The following KCNH7 variants were observed in gnomAD, a reference collection of about 807,000 sequenced individuals.
KCNH7 encodes the protein potassium voltage-gated channel subfamily H member 7.
KCNH7 carries 49 observed loss-of-function variants against 120.8 expected under a neutral mutation model. The observed-to-expected ratio is 0.41, with a 90% CI of 0.32 to 0.51. The LOEUF (loss-of-function observed/expected upper bound fraction) is 0.51, where lower values mean the gene tolerates loss of function less well. Among genes scored for constraint, KCNH7 ranks in the 20% least tolerant of loss-of-function variants. The pLI, the probability that KCNH7 is intolerant of heterozygous loss-of-function variation, is 0.38. For missense variants in KCNH7, 1,097 were observed against 1,446.6 expected (o/e 0.76, Z 3.92); for synonymous variants, 547 against 516.1 (o/e 1.06, Z -0.81).
At chr2:162,380,874 CAT>C (rs1290400812) in intron 13 of KCNH7, among the ~76,000 whole-genome samples, 2 of 152,076 alleles carry the variant, frequency 1.3e-5, no homozygotes, top group African/African-American at 4.8e-5. Context: ...GATCCCTTTT[CAT>C]ATACAGATTC....
chr2:162,569,833 A>G (rs535621794), intron 2 of KCNH7, among the ~76,000 whole-genome samples: 2 of 130,792 alleles, frequency 1.5e-5, no homozygotes, highest in South Asian at 2.7e-4. Flanking sequence ...CATGTAGTTG[A>G]GTGGTTTTGA....
In KCNH7 at chr2:162,787,196, G is replaced by GGATCCATGT. The variant is rs140335854; in HGVS notation, c.307+49332_307+49340dup. On this transcript the variant is annotated intron_variant, in intron 2 of 15. Coordinates refer to ENST00000332142, the MANE Select transcript of KCNH7 (RefSeq NM_033272.4). ...CTCCAGGCTGGCACATGTGGATTTA[G>GGATCCATGT]GATCCATGTGTAGGATATCCTCCAT... Among the ~76,000 whole-genome samples the GGATCCATGT allele has an allele frequency of 2.6e-4, 39 of 152,242 alleles. 1 individual carries two copies. The East Asian group carries it at 7.4e-3, about 29-fold the overall frequency.
At chr2:162,484,424 C>A (rs1690027094) in intron 6 of KCNH7, among the ~76,000 whole-genome samples, 1 of 152,174 alleles carries the variant, frequency 6.6e-6, no homozygotes, top group African/African-American at 2.4e-5. Context: ...ACTATTCAAA[C>A]AATTGCTTTA....
intron 2 of KCNH7, among the ~76,000 whole-genome samples, chr2:162,656,440 C>G (rs1684765920): frequency 6.6e-6 from 1 of 152,082 alleles, no homozygotes; most frequent in Non-Finnish European, 1.5e-5. Flanking sequence ...CTTGACTTCC[C>G]CTAACTTTCT....
chr2:162,660,729 T>C (rs1684928119), intron 2 of KCNH7, among the ~76,000 whole-genome samples: 1 of 152,194 alleles, frequency 6.6e-6, no homozygotes, highest in Non-Finnish European at 1.5e-5. Flanking sequence ...TTCAGTTATT[T>C]TTTATACACT....
intron 2 of KCNH7, among the ~76,000 whole-genome samples, chr2:162,754,850 G>A (rs751338550): frequency 6.6e-6 from 1 of 152,178 alleles, no homozygotes; most frequent in African/African-American, 2.4e-5. Context: ...TGAGAAAGCA[G>A]CTCTTGTGGA....
intron 8 of KCNH7, among the ~76,000 whole-genome samples, chr2:162,428,545 G>C (rs532204661): frequency 1.3e-5 from 2 of 151,960 alleles, no homozygotes; most frequent in East Asian, 3.9e-4. Context: ...GTCAAGTTTA[G>C]CTGTTAGTAT....
chr2:162,702,592 G>T (rs1443526344), intron 2 of KCNH7, among the ~76,000 whole-genome samples: 4 of 152,108 alleles, frequency 2.6e-5, no homozygotes, highest in African/African-American at 9.7e-5. Flanking sequence ...AGACGTGATA[G>T]GAAAGAATTT....
chr2:162,785,564 G>A (rs1477691543), intron 2 of KCNH7, among the ~76,000 whole-genome samples: 2 of 144,302 alleles, frequency 1.4e-5, no homozygotes, highest in African/African-American at 5.3e-5. Context: ...TTTTTTTTTT[G>A]CAGTCACTCA....
chr2:162,433,338 A>T (rs867302679), intron 8 of KCNH7, among the ~76,000 whole-genome samples: 6 of 152,162 alleles, frequency 3.9e-5, no homozygotes, highest in African/African-American at 1.2e-4. Context: ...CTGAACAAAA[A>T]GAGCAAAGCT....
intron 2 of KCNH7, among the ~76,000 whole-genome samples, chr2:162,672,340 CATT>C (rs1383778746): frequency 6.6e-6 from 1 of 151,916 alleles, no homozygotes; most frequent in African/African-American, 2.4e-5. Context: ...TGTTAACAAT[CATT>C]AGTAAAGAAA....
chr2:162,545,175 G>A (rs12471221), intron 2 of KCNH7, among the ~76,000 whole-genome samples: 13,288 of 152,148 alleles, frequency 0.087, 641 homozygotes, highest in East Asian at 0.11. Flanking sequence ...AGGGCTTGCC[G>A]TAATTAACCC....
intron 2 of KCNH7, among the ~76,000 whole-genome samples, chr2:162,557,755 A>T (rs183724363): frequency 6.6e-6 from 1 of 152,266 alleles, no homozygotes; most frequent in Admixed American, 6.5e-5. Context: ...ATTATAAACA[A>T]TGCGGAATAC....
At chr2:162,825,223 C>A (rs368671636) in intron 2 of KCNH7, among the ~76,000 whole-genome samples, 3 of 151,512 alleles carry the variant, frequency 2.0e-5, no homozygotes, top group African/African-American at 7.3e-5. Flanking sequence ...GGGCATCCAG[C>A]GAGGATACTC....
chr2:162,399,660 A>C (rs10210731), intron 10 of KCNH7, among the ~76,000 whole-genome samples: 21,790 of 151,836 alleles, frequency 0.14, 4,174 homozygotes, highest in African/African-American at 0.42. Context: ...CACTTCTATC[A>C]CTGGTTGTTA....
At chr2:162,436,788 A>T (rs1688254273) in intron 7 of KCNH7, among the ~76,000 whole-genome samples, 1 of 152,110 alleles carries the variant, frequency 6.6e-6, no homozygotes. Context: ...ATGAAAAAGG[A>T]GCACTAAATA....
chr2:162,754,025 A>C (rs1439829755), intron 2 of KCNH7, among the ~76,000 whole-genome samples: 1 of 152,120 alleles, frequency 6.6e-6, no homozygotes, highest in Non-Finnish European at 1.5e-5. Context: ...ATTTTGAACA[A>C]GATAAAACAC....
intron 2 of KCNH7, among the ~76,000 whole-genome samples, chr2:162,766,744 T>C (rs1330135224): frequency 1.3e-5 from 2 of 152,026 alleles, no homozygotes; most frequent in Non-Finnish European, 2.9e-5. Context: ...ACACAAAAGT[T>C]ATAAAATGAA....
Position 162,779,714 on chromosome 2 carries a change from C to T in KCNH7, c.307+56823G>A, listed in dbSNP as rs143617786. Among the ~76,000 whole-genome samples, 25 of 152,266 alleles carry T rather than the reference C, an allele frequency of 1.6e-4. 1 individual carries two copies. In the East Asian group the frequency reaches 4.8e-3, roughly 29 times the overall value. On this transcript the variant is annotated intron_variant, in intron 2 of 15. Transcript: ENST00000332142. ...CATCCAAACTGTCTTGGGTTGATAA[C>T]GTCACCTGGTGGTAGTACACTGTCT...
Sources: gnomAD v4.1 joint callset for allele counts (sites outside exome capture counted in the v4.1 genomes callset) on GRCh38, gnomAD v4.1.1 for gene constraint, MANE v1.5 for transcripts, NCBI Gene and HGNC (gene_info 2026-07-23, HGNC 2026-07-21) for gene names.